Variants in HCK observed in about 807,000 individuals in gnomAD.
HCK encodes the protein HCK proto-oncogene, Src family tyrosine kinase.
In HCK, 40 loss-of-function variants were observed where a neutral mutation model predicts 70.4. The observed-to-expected ratio is 0.57, with a 90% CI of 0.44 to 0.74. HCK has a LOEUF of 0.74. Among genes scored for constraint, HCK ranks in the 30% least tolerant of loss-of-function variants. The pLI, the probability that HCK is intolerant of heterozygous loss-of-function variation, is 0.00. For synonymous variants in HCK, 245 were observed against 263.2 expected (o/e 0.93, Z 0.67); for missense variants, 568 against 697.2 (o/e 0.81, Z 2.09).
intron 1 of HCK, among the ~76,000 whole-genome samples, chr20:32,054,742 C>T (rs1026303088): frequency 6.6e-5 from 10 of 151,594 alleles, no homozygotes; most frequent in Admixed American, 3.3e-4. Flanking sequence ...GGAGGTGGAG[C>T]TTGCAGTGAG....
At chr20:32,101,216 G>A in intron 12 of HCK, 101 bp from the exon 13 acceptor site, 1 of 956,946 alleles carries the variant, frequency 1.0e-6, no homozygotes, top group South Asian at 1.5e-5. Flanking sequence ...CTTGCAAGGT[G>A]AGGTGGGGAG....
chr20:32,077,708 T>C (rs1279700480), intron 5 of HCK, among the ~76,000 whole-genome samples: 1 of 152,150 alleles, frequency 6.6e-6, no homozygotes, highest in Non-Finnish European at 1.5e-5. Context: ...GTATTTTTAA[T>C]AGAGACAGGG....
intron 1 of HCK, 42 bp downstream of exon 1, chr20:32,052,528 A>G (rs2045188621): frequency 8.0e-7 from 1 of 1,242,700 alleles, no homozygotes; most frequent in African/African-American, 1.6e-5. Context: ...CCGGCCCGCG[A>G]GGGGTCCCAG....
intron 1 of HCK, among the ~76,000 whole-genome samples, chr20:32,062,220 G>A (rs2045390788): frequency 6.6e-6 from 1 of 152,108 alleles, no homozygotes; most frequent in Admixed American, 6.5e-5. Flanking sequence ...GATTACAGGT[G>A]TGAGCCACCA....
chr20:32,058,637 CACAT>C (rs752366272), intron 1 of HCK, among the ~76,000 whole-genome samples: 6 of 151,070 alleles, frequency 4.0e-5, no homozygotes, highest in Non-Finnish European at 7.4e-5. Context: ...CACACACACA[CACAT>C]ACACACACTA....
intron 11 of HCK, among the ~76,000 whole-genome samples, chr20:32,094,787 GAGAAAGAAAGAAAGAAAGAA>G (rs71185378): frequency 0.055 from 5,739 of 105,234 alleles, 327 homozygotes; most frequent in East Asian, 0.085. Context: ...GAGAGAGAAA[GAGAAAGAAAGAAAGAAAGAA>G]AGAAAGAAAG....
chr20:32,089,874 AG>A (rs2045841098), intron 10 of HCK, among the ~76,000 whole-genome samples: 1 of 152,254 alleles, frequency 6.6e-6, no homozygotes, highest in Admixed American at 6.5e-5. Flanking sequence ...GAAAAGGTAA[AG>A]GTCTTTTAGA....
chr20:32,101,186 T>C (rs2046027651), intron 12 of HCK, 131 bp from the exon 13 acceptor site: 3 of 774,850 alleles, frequency 3.9e-6, no homozygotes, highest in Non-Finnish European at 6.3e-6. Flanking sequence ...AGTCTGTCTT[T>C]CACAGTGGAA....
At chr20:32,085,935 G>A (rs528152539) in intron 8 of HCK, among the ~76,000 whole-genome samples, 2 of 152,330 alleles carry the variant, frequency 1.3e-5, no homozygotes, top group East Asian at 3.9e-4. Flanking sequence ...TTATTTAAGA[G>A]CAGTGTTAAG....
At chr20:32,059,508 TCTC>T (rs201839186) in intron 1 of HCK, among the ~76,000 whole-genome samples, 3,298 of 41,426 alleles carry the variant, frequency 0.08, 69 homozygotes, top group East Asian at 0.25. Flanking sequence ...TCTCTCTCTC[TCTC>T]TTTTTTTTTT....
chr20:32,078,886 G>C (rs1287821625), intron 5 of HCK, among the ~76,000 whole-genome samples: 1 of 146,476 alleles, frequency 6.8e-6, no homozygotes, highest in Non-Finnish European at 1.5e-5. Context: ...AAAAGGGGGG[G>C]AATGATAAAG....
At chr20:32,093,784 A>C (rs1180891565) in intron 10 of HCK, 79 bp from the exon 11 acceptor site, 1 of 1,370,058 alleles carries the variant, frequency 7.3e-7, no homozygotes, top group African/African-American at 1.5e-5. Context: ...TCACTTGAAC[A>C]CCTCTCTGCT....
chr20:32,099,170 G>A, intron 12 of HCK, 35 bp downstream of exon 12: 1 of 1,606,812 alleles, frequency 6.2e-7, no homozygotes, highest in East Asian at 2.2e-5. Context: ...GCTGCTACCA[G>A]GGCCCAGTCT....
At position 32,094,431 on chromosome 20, in the gene HCK, G is replaced by A. The variant is rs1317099579; in HGVS notation, c.1246+415G>A. ...TCAGTGGCTCACGCCTGTAATCCCAGCACTTTAGGAGGCCAAGACTGGAGG... is the reference window on the plus strand; with the variant it reads ...TCAGTGGCTCACGCCTGTAATCCCAACACTTTAGGAGGCCAAGACTGGAGG... On this transcript the variant is annotated intron_variant, in intron 11 of 12. Coordinates refer to ENST00000375852, the MANE Select transcript of HCK (RefSeq NM_002110.5). Among the ~76,000 whole-genome samples the A allele has an allele frequency of 3.3e-5, 5 of 152,186 alleles. No homozygotes were observed. The South Asian group carries it at 1.0e-3, about 32-fold the overall frequency.
chr20:32,094,825 GA>G (rs1166964733), intron 11 of HCK, among the ~76,000 whole-genome samples: 1 of 141,954 alleles, frequency 7.0e-6, no homozygotes, highest in African/African-American at 2.6e-5. Flanking sequence ...AAGAAAGAAA[GA>G]AAGAAAGAAA....
At chr20:32,086,907 C>A (rs1600734684) in intron 9 of HCK, 100 bp downstream of exon 9, 1 of 1,070,950 alleles carries the variant, frequency 9.3e-7, no homozygotes, top group Non-Finnish European at 1.3e-6. Flanking sequence ...GAGATGGCCC[C>A]AATCTGGCCA....
intron 5 of HCK, among the ~76,000 whole-genome samples, 193 bp from the exon 6 acceptor site, chr20:32,079,581 T>C (rs2045678416): frequency 6.6e-6 from 1 of 152,218 alleles, no homozygotes; most frequent in Non-Finnish European, 1.5e-5. Context: ...AAAATGTCTA[T>C]TTTGATATCA....
At chr20:32,065,453 T>C (rs1340410363) in intron 1 of HCK, among the ~76,000 whole-genome samples, 1 of 152,178 alleles carries the variant, frequency 6.6e-6, no homozygotes, top group Non-Finnish European at 1.5e-5. Flanking sequence ...GCCTCAGGCA[T>C]AGCTGGATCC....
chr20:32,097,777 G>A (rs1374439903), intron 11 of HCK, among the ~76,000 whole-genome samples: 2 of 151,854 alleles, frequency 1.3e-5, no homozygotes, highest in Non-Finnish European at 2.9e-5. Flanking sequence ...TTCAAAACTT[G>A]ACCATGTACT....
Sources: allele counts gnomAD v4.1 joint callset (sites outside exome capture counted in the v4.1 genomes callset), GRCh38; gene constraint gnomAD v4.1.1; transcripts MANE v1.5; gene names NCBI Gene and HGNC (gene_info 2026-07-23, HGNC 2026-07-21).